Variants in BBX observed in about 807,000 individuals in gnomAD.
BBX encodes BBX high mobility group box domain containing, also known as HMG box transcription factor BBX.
Under a neutral mutation model 100.2 loss-of-function variants are expected in BBX, and 30 were observed. That is an observed-to-expected ratio of 0.30 (90% CI 0.22 to 0.41). BBX has a LOEUF of 0.41. Ranked by LOEUF, BBX falls within the 10% of genes least tolerant of loss-of-function variation. BBX has a pLI of 1.00. For synonymous variants in BBX, 376 were observed against 388.1 expected (o/e 0.97, Z 0.37); for missense variants, 1,023 against 1,129.8 (o/e 0.91, Z 1.35).
Position 107,773,728 on chromosome 3 carries a change from A to G in BBX, c.1915+92A>G. Reference sequence around the variant, plus strand: ...GAAAACAACTGCCATAAAAAACAATATGGTATCAAAATAATACCTTACATT... The same window carrying G: ...GAAAACAACTGCCATAAAAAACAATGTGGTATCAAAATAATACCTTACATT... On this transcript the variant is annotated intron_variant, in intron 11 of 17. Transcript: ENST00000325805. The surrounding 1 kb of genome is among the most constrained non-coding windows in gnomAD (Gnocchi z 4.1). 1.8e-6 allele frequency: 2 copies of G among 1,120,308 alleles called. No homozygotes were observed. The highest frequency in any genetic ancestry group is 2.5e-6 in the Non-Finnish European group (2 of 796,312). 69.4% of individuals were successfully genotyped at this position (1,120,308 alleles called of 1,614,324 possible).
chr3:107,727,109 T>C (rs1353334664), intron 5 of BBX, among the ~76,000 whole-genome samples: 3 of 152,028 alleles, frequency 2.0e-5, no homozygotes, highest in African/African-American at 7.2e-5. Context: ...CCAAAAAAAA[T>C]AGATAATTTT....
At chr3:107,762,190 AACCTCTT>A (rs2065950725) in intron 10 of BBX, among the ~76,000 whole-genome samples, 1 of 152,174 alleles carries the variant, frequency 6.6e-6, no homozygotes, top group Non-Finnish European at 1.5e-5. Context: ...GACTGCCCTT[AACCTCTT>A]TGGGGGAAGA....
At chr3:107,797,304 T>C (rs1199348735) in intron 15 of BBX, among the ~76,000 whole-genome samples, 1 of 131,698 alleles carries the variant, frequency 7.6e-6, no homozygotes. Context: ...CTTGCTCTAG[T>C]TTTTTTTTCC....
intron 2 of BBX, among the ~76,000 whole-genome samples, chr3:107,645,231 A>T (rs576475697): frequency 4.6e-5 from 7 of 152,312 alleles, no homozygotes; most frequent in African/African-American, 1.7e-4. Flanking sequence ...AAAATATTCC[A>T]TTTAATTTAC....
intron 2 of BBX, chr3:107,638,550 G>A (rs766363362): frequency 7.9e-5 from 12 of 152,032 alleles, no homozygotes; most frequent in Non-Finnish European, 1.8e-4. Flanking sequence ...CTGCAGGTAA[G>A]CGATTTGCTG....
chr3:107,782,189 G>T (rs2067965001), intron 13 of BBX, among the ~76,000 whole-genome samples: 1 of 152,096 alleles, frequency 6.6e-6, no homozygotes, highest in Non-Finnish European at 1.5e-5. Flanking sequence ...GCCCAATGAA[G>T]TGGCTCCTCC....
At chr3:107,595,897 T>G (rs2053638550) in intron 2 of BBX, among the ~76,000 whole-genome samples, 1 of 152,328 alleles carries the variant, frequency 6.6e-6, no homozygotes, top group South Asian at 2.1e-4. Context: ...ACTGGAAGCC[T>G]TACCAGCAAC....
chr3:107,727,179 T>G (rs899988596), intron 5 of BBX, among the ~76,000 whole-genome samples: 4 of 152,132 alleles, frequency 2.6e-5, no homozygotes, highest in Admixed American at 1.3e-4. Context: ...CTTTATAAAG[T>G]GGTGACCTTT....
chr3:107,743,022 G>A (rs112542363), intron 7 of BBX, among the ~76,000 whole-genome samples: 1 of 152,210 alleles, frequency 6.6e-6, no homozygotes, highest in African/African-American at 2.4e-5. Flanking sequence ...TGTGGGATCT[G>A]AAATAAGCAT....
At chr3:107,723,936 T>C (rs1176349311) in intron 5 of BBX, among the ~76,000 whole-genome samples, 1 of 152,194 alleles carries the variant, frequency 6.6e-6, no homozygotes, top group Non-Finnish European at 1.5e-5. Context: ...AGTAATGGGA[T>C]GGCTGGGTCA....
intron 2 of BBX, among the ~76,000 whole-genome samples, chr3:107,566,000 C>A (rs1475987305): frequency 6.6e-6 from 1 of 150,896 alleles, no homozygotes; most frequent in East Asian, 2.0e-4. Flanking sequence ...ATGGTGAAAC[C>A]CCATCTCTAC....
intron 2 of BBX, among the ~76,000 whole-genome samples, chr3:107,639,302 G>T (rs1314277665): frequency 1.3e-5 from 2 of 152,180 alleles, no homozygotes; most frequent in South Asian, 2.1e-4. Context: ...TCTCCAGTGG[G>T]TTTCATTTGC....
intron 13 of BBX, among the ~76,000 whole-genome samples, chr3:107,786,941 G>A (rs563253036): frequency 6.6e-6 from 1 of 152,114 alleles, no homozygotes; most frequent in Non-Finnish European, 1.5e-5. Context: ...TTACAACTTG[G>A]CAGTAAAAGA....
chr3:107,719,316 TTTGCCA>T (rs1312143734), intron 5 of BBX, among the ~76,000 whole-genome samples: 1 of 152,030 alleles, frequency 6.6e-6, no homozygotes, highest in Non-Finnish European at 1.5e-5. Flanking sequence ...TTAGGTGGTA[TTTGCCA>T]GTATCTGTCC....
chr3:107,762,907 C>T (rs1489975832), intron 10 of BBX, among the ~76,000 whole-genome samples: 2 of 152,172 alleles, frequency 1.3e-5, no homozygotes, highest in Non-Finnish European at 2.9e-5. Flanking sequence ...GCCATGACCT[C>T]ACAAGCAGAA....
In BBX at chr3:107,742,285, T is replaced by C. The variant is rs745577788; in HGVS notation, c.670-2345T>C. ...TTCTGTCTTATCCTGCTGCTGGCAT[T>C]GTTTCTTTCCTTCCCAACCCTCCTT... On this transcript the variant is annotated intron_variant, in intron 7 of 17. Transcript: ENST00000325805. Among the ~76,000 whole-genome samples, 40 of 152,132 alleles carry C rather than the reference T, an allele frequency of 2.6e-4. 1 individual carries two copies. Among genetic ancestry groups the C allele is most frequent in the Non-Finnish European group, 5.0e-4 (34 of 67,978 alleles).
rs137927898 is a variant in BBX at position 107,620,197 on chromosome 3, A to T, written c.-83-25639A>T. 6.1e-3 allele frequency among the ~76,000 whole-genome samples: 916 copies of T among 151,354 alleles called. 11 individuals are homozygous for T. The highest frequency in any genetic ancestry group is 0.021 in the African/African-American group (874 of 41,236). ...GTTGAGCCCATTTGTTAAATTTTTTATTTTGGTTATTGAGGCTTTTAGTTC... is the reference window on the plus strand; with the variant it reads ...GTTGAGCCCATTTGTTAAATTTTTTTTTTTGGTTATTGAGGCTTTTAGTTC... On this transcript the variant is annotated intron_variant, in intron 2 of 17. Coordinates refer to ENST00000325805, the MANE Select transcript of BBX (RefSeq NM_001142568.3).
chr3:107,696,934 T>C (rs901927877), intron 3 of BBX, among the ~76,000 whole-genome samples: 2 of 151,790 alleles, frequency 1.3e-5, no homozygotes, highest in Non-Finnish European at 2.9e-5. Context: ...CCTTCTTGCT[T>C]CATTTCATTC....
chr3:107,778,288 G>C (rs1253288451), intron 12 of BBX, 83 bp from the exon 13 acceptor site: 1 of 1,524,890 alleles, frequency 6.6e-7, no homozygotes, highest in African/African-American at 1.4e-5. Context: ...TTTTCAAATA[G>C]AATATCCTAA....
Sources: gnomAD v4.1 joint callset for allele counts (sites outside exome capture counted in the v4.1 genomes callset) on GRCh38, gnomAD v4.1.1 for gene constraint, Gnocchi (gnomAD v3.1) non-coding constraint, MANE v1.5 for transcripts, NCBI Gene and HGNC (gene_info 2026-07-23, HGNC 2026-07-21) for gene names.